Variants in INTU observed in about 807,000 individuals in gnomAD.
The protein encoded by INTU is inturned planar cell polarity protein, also known as protein inturned.
In INTU, 68 loss-of-function variants were observed where a neutral mutation model predicts 100.5. That is an observed-to-expected ratio of 0.68 (90% CI 0.56 to 0.83). The LOEUF (loss-of-function observed/expected upper bound fraction) is 0.83, where lower values mean the gene tolerates loss of function less well. Among genes scored for constraint, INTU ranks in the 40% least tolerant of loss-of-function variants. INTU has a pLI of 0.00. For synonymous variants in INTU, 357 were observed against 395.7 expected, an observed-to-expected ratio of 0.90 and a Z score of 1.16; for missense variants, 1,071 against 1,114.7, an observed-to-expected ratio of 0.96 and a Z score of 0.56.
chr4:127,705,704 C>A lies in INTU; in HGVS notation c.1680C>A (p.Ile560=), dbSNP rs1730849932. 3 of 1,614,014 alleles carry A rather than the reference C, an allele frequency of 1.9e-6. No individual in the cohort carries two copies. Among genetic ancestry groups the A allele is most frequent in the Non-Finnish European group, 2.5e-6 (3 of 1,179,928 alleles). The change falls in exon 11 of 16, where the codon ATC becomes ATA. Residue 560 remains isoleucine (I), a synonymous_variant. Transcript: ENST00000335251. ...CAAAACAAAGAATTGGTCAGTTGAT[C>A]ATATGGAGAGAAGTGTTTCCTCAGC... is the stretch of plus-strand genomic sequence containing the variant. ...LAAKQRIGQL[I]IWREVFPQHH...
At chr4:127,706,267 A>G (rs1200304714) in intron 11 of INTU, among the ~76,000 whole-genome samples, 3 of 152,324 alleles carry the variant, frequency 2.0e-5, no homozygotes, top group Non-Finnish European at 2.9e-5. Context: ...AAGTGGTTTG[A>G]TGGTATATCA....
At chr4:127,680,219 A>T (rs1211081668) in intron 6 of INTU, among the ~76,000 whole-genome samples, 2 of 152,120 alleles carry the variant, frequency 1.3e-5, no homozygotes, top group Admixed American at 6.5e-5. Flanking sequence ...ATTCCAATCA[A>T]CAGAAAAAGA....
chr4:127,650,898 T>C (rs1007338199), intron 2 of INTU, among the ~76,000 whole-genome samples: 1 of 152,202 alleles, frequency 6.6e-6, no homozygotes, highest in African/African-American at 2.4e-5. Flanking sequence ...TCCCGGCTTT[T>C]TAATGATTGC....
Position 127,644,070 on chromosome 4 carries a change from G to T in INTU, c.682+14G>T. On this transcript the variant is annotated intron_variant, in intron 2 of 15. Transcript: ENST00000335251. ...AGGTACTCATTGGTAAGTGTTGCTG[G>T]TACACATCCATCCCTGTTTACAGAG... The T allele has an allele frequency of 6.2e-7, 1 of 1,601,104 alleles. No homozygotes were observed. The highest frequency in any genetic ancestry group is 2.2e-5 in the East Asian group (1 of 44,666).
At chr4:127,677,183 A>T (rs1396303462) in intron 6 of INTU, among the ~76,000 whole-genome samples, 2 of 152,190 alleles carry the variant, frequency 1.3e-5, no homozygotes, top group Non-Finnish European at 1.5e-5. Flanking sequence ...GCACAGACGA[A>T]AAAAAAGACA....
At chr4:127,700,092 G>C in intron 9 of INTU, 29 bp downstream of exon 9, 1 of 1,533,650 alleles carries the variant, frequency 6.5e-7, no homozygotes, top group Non-Finnish European at 8.9e-7. Flanking sequence ...TTTATAAAAG[G>C]CTCAATGTTG....
chr4:127,684,455 AC>A lies in INTU; in HGVS notation c.1230del (p.Leu411Ter). Reference protein sequence around the residue: ...LRNMIENVIQTLKFMYGSLDS... With the variant: ...LRNMIENVIQXLKFMYGSLDS... ...GAACATGATAGAAAATGTCATCCAAACCTTAAAATTTATGTATGGTTCTTTA... is the reference window on the plus strand; with the variant it reads ...GAACATGATAGAAAATGTCATCCAAACTTAAAATTTATGTATGGTTCTTTA... On this transcript the variant is annotated frameshift_variant, in exon 7 of 16. Coordinates refer to ENST00000335251, the MANE Select transcript of INTU (RefSeq NM_015693.4). LOFTEE classifies it high-confidence loss of function. 1 of 1,601,898 alleles carries A rather than the reference AC, an allele frequency of 6.2e-7. No individual in the cohort carries two copies. Among genetic ancestry groups the A allele is most frequent in the African/African-American group, 1.3e-5 (1 of 74,508 alleles).
chr4:127,633,293 T>C, intron 1 of INTU, 113 bp downstream of exon 1: 1 of 1,109,110 alleles, frequency 9.0e-7, no homozygotes, highest in Non-Finnish European at 1.3e-6. Context: ...TATTTGGGGT[T>C]CTATAATAAG....
chr4:127,672,896 G>GTA, intron 5 of INTU, among the ~76,000 whole-genome samples: 1 of 152,236 alleles, frequency 6.6e-6, no homozygotes, highest in Non-Finnish European at 1.5e-5. Flanking sequence ...CTTCACTGAA[G>GTA]TATAATGAAG....
Position 127,718,796 on chromosome 4 carries a change from G to A in INTU, c.*2360G>A, listed in dbSNP as rs1487577052. ...TTTGGATCTCTGCTTGCCTGTTGTT[G>A]GTGTATAGGAATGCTGGTGACTTCT... is the stretch of plus-strand genomic sequence containing the variant. On this transcript the variant is annotated 3_prime_UTR_variant, in exon 16 of 16. Coordinates refer to ENST00000335251, the MANE Select transcript of INTU (RefSeq NM_015693.4). 1 of 152,024 alleles carries A rather than the reference G, an allele frequency of 6.6e-6. No homozygotes were observed. The highest frequency in any genetic ancestry group is 1.5e-5 in the Non-Finnish European group (1 of 68,018). The allele number at this position is 152,024 out of a possible 1,614,324, so 9.4% of individuals were successfully genotyped here.
chr4:127,662,666 C>T (rs1728525201), intron 3 of INTU, among the ~76,000 whole-genome samples: 1 of 152,180 alleles, frequency 6.6e-6, no homozygotes, highest in Non-Finnish European at 1.5e-5. Flanking sequence ...AGGCCACAGA[C>T]CAGTACCAGA....
At position 127,725,023 on chromosome 4, in the gene INTU, C is replaced by A. The variant is rs1436089287; in HGVS notation, c.*8587C>A. ...GCTTGAGGCCAGGCACAGTTGCTCA[C>A]ACCTGTAACTCCAGCACTTTGGAAG... On this transcript the variant is annotated 3_prime_UTR_variant, in exon 16 of 16. Transcript: ENST00000335251. The A allele has an allele frequency of 6.6e-6, 1 of 151,458 alleles. No homozygotes were observed. The highest frequency in any genetic ancestry group is 6.6e-5 in the Admixed American group (1 of 15,194). 9.4% of individuals were successfully genotyped at this position (151,458 alleles called of 1,614,324 possible).
At chr4:127,646,386 G>A (rs1480044692) in intron 2 of INTU, among the ~76,000 whole-genome samples, 2 of 152,156 alleles carry the variant, frequency 1.3e-5, no homozygotes, top group Non-Finnish European at 2.9e-5. Context: ...CCCTTTCAGT[G>A]GTGTTTCCTG....
In INTU at chr4:127,632,985, A is replaced by C. The variant is rs746233974; in HGVS notation, c.-50A>C. ...GGCAACATGGCGGCCTTAGCAAGCT[A>C]TAGCTGCGAGATTTGAATTACTCCA... On this transcript the variant is annotated 5_prime_UTR_variant, in exon 1 of 16. Transcript: ENST00000335251. 6.3e-7 allele frequency: 1 copy of C among 1,577,304 alleles called. No individual in the cohort carries two copies. The highest frequency in any genetic ancestry group is 1.1e-5 in the South Asian group (1 of 88,240).
At chr4:127,640,788 A>G (rs1439883651) in intron 1 of INTU, among the ~76,000 whole-genome samples, 2 of 151,706 alleles carry the variant, frequency 1.3e-5, no homozygotes, top group East Asian at 3.9e-4. Context: ...ATATAGGTAC[A>G]TATATAATGA....
intron 2 of INTU, among the ~76,000 whole-genome samples, chr4:127,646,797 T>C (rs1448247911): frequency 2.0e-5 from 3 of 152,154 alleles, no homozygotes; most frequent in Non-Finnish European, 4.4e-5. Context: ...TGCCCACATA[T>C]TATAGACGAG....
intron 8 of INTU, among the ~76,000 whole-genome samples, chr4:127,688,971 C>CTTTTTTTTTTTTTT (rs763570146): frequency 2.3e-5 from 2 of 88,026 alleles, no homozygotes; most frequent in African/African-American, 7.8e-5. Flanking sequence ...TTCTTTCTTT[C>CTTTTTTTTTTTTTT]TTTTTTTTTT....
intron 6 of INTU, among the ~76,000 whole-genome samples, chr4:127,682,921 G>T (rs1488123094): frequency 6.6e-6 from 1 of 152,090 alleles, no homozygotes; most frequent in Admixed American, 6.6e-5. Flanking sequence ...GAATACAGTG[G>T]TGAGATAAAG....
chr4:127,691,978 A>ATATATATATATATATATATATATATG (rs1560868017), intron 8 of INTU, among the ~76,000 whole-genome samples: 2 of 143,592 alleles, frequency 1.4e-5, no homozygotes, highest in South Asian at 2.3e-4. Context: ...ATATATATAT[A>ATATATATATATATATATATATATATG]TATGTCACAT....
Sources: allele counts gnomAD v4.1 joint callset (sites outside exome capture counted in the v4.1 genomes callset), GRCh38; gene constraint gnomAD v4.1.1; transcripts MANE v1.5; gene names NCBI Gene and HGNC (gene_info 2026-07-23, HGNC 2026-07-21).